Variants in EFHD1 observed in about 807,000 individuals in gnomAD.
EFHD1 encodes EF-hand domain family member D1, also known as EF-hand domain-containing protein D1.
EFHD1 carries 10 observed loss-of-function variants against 17.2 expected under a neutral mutation model. That is an observed-to-expected ratio of 0.58 (90% CI 0.36 to 0.99). The LOEUF (loss-of-function observed/expected upper bound fraction) is 0.99. Ranked by LOEUF, EFHD1 falls within the 50% of genes least tolerant of loss-of-function variation. The probability of loss-of-function intolerance (pLI) is 0.01; values close to 1 mark genes in which losing one functional copy is unlikely to be tolerated. For missense variants in EFHD1, 310 were observed against 327.5 expected (o/e 0.95, Z 0.41); for synonymous variants, 153 against 142.0 (o/e 1.08, Z -0.55).
chr2:232,662,723 A>G, intron 1 of EFHD1, 79 bp from the exon 2 acceptor site: 11 of 1,528,100 alleles, frequency 7.2e-6, no homozygotes, highest in South Asian at 2.6e-5. Context: ...TTTTCGATGA[A>G]TGAAGCCAAA....
At chr2:232,677,042 A>G (rs969844754) in intron 3 of EFHD1, among the ~76,000 whole-genome samples, 2 of 151,814 alleles carry the variant, frequency 1.3e-5, no homozygotes, top group African/African-American at 2.4e-5. Context: ...AATAAAAGAG[A>G]GTTTTTAGTC....
chr2:232,669,410 A>G (rs1695027176), intron 2 of EFHD1, among the ~76,000 whole-genome samples: 3 of 152,128 alleles, frequency 2.0e-5, no homozygotes, highest in South Asian at 4.1e-4. Flanking sequence ...GAAGGGAGCA[A>G]TAGGAAGAGG....
intron 1 of EFHD1, among the ~76,000 whole-genome samples, chr2:232,618,050 C>T (rs538483355): frequency 4.8e-4 from 73 of 151,946 alleles, no homozygotes; most frequent in Non-Finnish European, 8.5e-4. Flanking sequence ...GATGGAGTCT[C>T]GCTCTGCCAC....
intron 1 of EFHD1, among the ~76,000 whole-genome samples, chr2:232,643,289 T>C (rs1574714877): frequency 6.6e-6 from 1 of 152,180 alleles, no homozygotes; most frequent in Middle Eastern, 3.2e-3. Flanking sequence ...CGGGGTAGTT[T>C]CCATTCCCTG....
At chr2:232,678,487 A>G (rs1695217550) in intron 3 of EFHD1, among the ~76,000 whole-genome samples, 1 of 152,320 alleles carries the variant, frequency 6.6e-6, no homozygotes, top group East Asian at 1.9e-4. Context: ...CTTCTTTAGC[A>G]CGATAAAAGA....
At chr2:232,623,635 A>G (rs1694055244) in intron 1 of EFHD1, among the ~76,000 whole-genome samples, 1 of 137,826 alleles carries the variant, frequency 7.3e-6, no homozygotes, top group Non-Finnish European at 1.5e-5. Context: ...AGATTATGCC[A>G]TTGCACTCCA....
chr2:232,630,634 A>G (rs564078061), upstream of EFHD1, among the ~76,000 whole-genome samples: 2 of 152,196 alleles, frequency 1.3e-5, no homozygotes, highest in African/African-American at 2.4e-5. Flanking sequence ...TTTGTTCACA[A>G]TCCACTCCCA....
chr2:232,619,111 C>T (rs1264539653), intron 1 of EFHD1, among the ~76,000 whole-genome samples: 1 of 151,500 alleles, frequency 6.6e-6, no homozygotes, highest in Non-Finnish European at 1.5e-5. Flanking sequence ...CGAGATCGCG[C>T]CATTGCACTC....
At chr2:232,627,980 A>G (rs1329218236) in intron 1 of EFHD1, among the ~76,000 whole-genome samples, 2 of 152,202 alleles carry the variant, frequency 1.3e-5, no homozygotes, top group Non-Finnish European at 2.9e-5. Flanking sequence ...AATATTTACA[A>G]TTTAATGAGG....
At chr2:232,620,417 A>T (rs1299375440) in intron 1 of EFHD1, among the ~76,000 whole-genome samples, 3 of 149,834 alleles carry the variant, frequency 2.0e-5, no homozygotes, top group African/African-American at 7.3e-5. Flanking sequence ...ACAGAGTCTC[A>T]CTCTGTCTCC....
At chr2:232,630,518 C>T (rs138706799), upstream of EFHD1, among the ~76,000 whole-genome samples, 355 of 152,318 alleles carry the variant, frequency 2.3e-3, 2 homozygotes, top group Middle Eastern at 6.8e-3. Flanking sequence ...TTGCCCCTTG[C>T]AGATGATGTG....
chr2:232,627,474 T>C (rs1694128126), intron 1 of EFHD1, among the ~76,000 whole-genome samples: 2 of 152,122 alleles, frequency 1.3e-5, no homozygotes, highest in Non-Finnish European at 2.9e-5. Context: ...TGGTGTCATA[T>C]CAAAGAAGAA....
intron 2 of EFHD1, among the ~76,000 whole-genome samples, chr2:232,663,529 G>A (rs115610051): frequency 0.066 from 10,094 of 151,942 alleles, 621 homozygotes; most frequent in East Asian, 0.21. Flanking sequence ...ACCAGGCCTG[G>A]CTAATTTTGG....
At chr2:232,676,534 T>A (rs1695175297) in intron 3 of EFHD1, among the ~76,000 whole-genome samples, 1 of 152,108 alleles carries the variant, frequency 6.6e-6, no homozygotes, top group African/African-American at 2.4e-5. Flanking sequence ...CGCTGGAATA[T>A]CATTATCTCA....
At chr2:232,623,694 AGAAG>A (rs1472801895) in intron 1 of EFHD1, among the ~76,000 whole-genome samples, 3,930 of 84,064 alleles carry the variant, frequency 0.047, 157 homozygotes, top group African/African-American at 0.086. Flanking sequence ...AAAAAAAAAA[AGAAG>A]AAGAAGAAGA....
upstream of EFHD1, among the ~76,000 whole-genome samples, chr2:232,630,111 A>T (rs1180111370): frequency 6.6e-6 from 1 of 151,940 alleles, no homozygotes; most frequent in Non-Finnish European, 1.5e-5. Context: ...CACCATGTCC[A>T]GCTAATTTTT....
chr2:232,631,463 T>C (rs149551328), upstream of EFHD1, among the ~76,000 whole-genome samples: 1 of 151,558 alleles, frequency 6.6e-6, no homozygotes, highest in East Asian at 2.0e-4. Flanking sequence ...TGTTTTTTAT[T>C]TTATTTTTAT....
At chr2:232,630,854 T>G (rs1221336804), upstream of EFHD1, among the ~76,000 whole-genome samples, 1 of 151,870 alleles carries the variant, frequency 6.6e-6, no homozygotes, top group Non-Finnish European at 1.5e-5. Flanking sequence ...TTCAACATTA[T>G]ATTCATAAAT....
At chr2:232,611,255 T>A (rs1470534604) in intron 1 of EFHD1, among the ~76,000 whole-genome samples, 1 of 151,788 alleles carries the variant, frequency 6.6e-6, no homozygotes, top group Non-Finnish European at 1.5e-5. Flanking sequence ...CAAGCGTGAG[T>A]CCCTGTGCCC....
Sources: gnomAD v4.1 joint callset for allele counts (sites outside exome capture counted in the v4.1 genomes callset) on GRCh38, gnomAD v4.1.1 for gene constraint, MANE v1.5 for transcripts, NCBI Gene and HGNC (gene_info 2026-07-23, HGNC 2026-07-21) for gene names.